The following MSI2 variants were observed in gnomAD, a reference collection of about 807,000 sequenced individuals.
MSI2 encodes the protein musashi RNA binding protein 2, also known as RNA-binding protein Musashi homolog 2.
MSI2 carries 17 observed loss-of-function variants against 45.6 expected under a neutral mutation model. That is an observed-to-expected ratio of 0.37 (90% confidence interval 0.26 to 0.56). MSI2 has a LOEUF of 0.56. MSI2 is among the 20% of genes least tolerant of loss of function. The pLI, the probability that MSI2 is intolerant of heterozygous loss-of-function variation, is 0.77. For synonymous variants in MSI2, 156 were observed against 158.2 expected, an observed-to-expected ratio of 0.99 and a Z score of 0.11; for missense variants, 293 against 444.2, an observed-to-expected ratio of 0.66 and a Z score of 3.06.
chr17:57,479,059 GA>G (rs2085597436), intron 6 of MSI2, among the ~76,000 whole-genome samples: 1 of 152,038 alleles, frequency 6.6e-6, no homozygotes. Context: ...GCCCCAGGGG[GA>G]TAACAGATAA....
At chr17:57,486,663 A>G (rs1191531553) in intron 6 of MSI2, among the ~76,000 whole-genome samples, 1 of 152,230 alleles carries the variant, frequency 6.6e-6, no homozygotes, top group African/African-American at 2.4e-5. Flanking sequence ...CCTTTTAGAC[A>G]ATAAATTCTG....
At chr17:57,265,276 C>T (rs1395385508) in intron 5 of MSI2, 2 of 152,252 alleles carry the variant, frequency 1.3e-5, no homozygotes, top group East Asian at 1.9e-4. Flanking sequence ...CAGAGGGAAC[C>T]CTGCCCCTCC....
At chr17:57,602,601 T>C (rs556042201) in intron 8 of MSI2, among the ~76,000 whole-genome samples, 2 of 152,214 alleles carry the variant, frequency 1.3e-5, no homozygotes, top group Non-Finnish European at 2.9e-5. Context: ...GTGATCCCCT[T>C]GCCTCTGCCT....
intron 5 of MSI2, among the ~76,000 whole-genome samples, chr17:57,336,387 T>G (rs1914692973): frequency 6.6e-6 from 1 of 152,266 alleles, no homozygotes; most frequent in Non-Finnish European, 1.5e-5. Context: ...AGTTTTCTTC[T>G]TCTCTTACTC....
intron 10 of MSI2, among the ~76,000 whole-genome samples, chr17:57,646,785 C>T (rs1007747334): frequency 6.6e-6 from 1 of 152,176 alleles, no homozygotes; most frequent in Non-Finnish European, 1.5e-5. Flanking sequence ...CTGTTCATGC[C>T]TGGAATTCCA....
intron 5 of MSI2, among the ~76,000 whole-genome samples, chr17:57,385,976 A>G (rs2083679299): frequency 2.6e-5 from 4 of 151,200 alleles, no homozygotes; most frequent in Admixed American, 2.6e-4. Context: ...TTAATGGTTG[A>G]TGTCGATTGG....
At chr17:57,537,657 C>G (rs983760073) in intron 7 of MSI2, among the ~76,000 whole-genome samples, 1 of 152,134 alleles carries the variant, frequency 6.6e-6, no homozygotes, top group East Asian at 1.9e-4. Context: ...TTTTTTCCCC[C>G]GAGTTAACTC....
intron 7 of MSI2, among the ~76,000 whole-genome samples, chr17:57,566,966 G>A (rs1461093995): frequency 6.6e-6 from 1 of 152,216 alleles, no homozygotes; most frequent in Admixed American, 6.5e-5. Flanking sequence ...TGTAGGAGAA[G>A]GACCTGATGA....
Position 57,538,767 on chromosome 17 carries a change from G to A in MSI2, c.454+9043G>A, listed in dbSNP as rs1364155482. Reference sequence around the variant, plus strand: ...ACACACATATGCTTGCATGTGCATGGAATATCTTTGAAAGGATGCCTGCAA... The same window carrying A: ...ACACACATATGCTTGCATGTGCATGAAATATCTTTGAAAGGATGCCTGCAA... On this transcript the variant is annotated intron_variant, in intron 7 of 13. Transcript: ENST00000284073. 3.9e-5 allele frequency among the ~76,000 whole-genome samples: 6 copies of A among 152,140 alleles called. 1 individual carries two copies. The South Asian group carries it at 1.0e-3, about 26-fold the overall frequency.
chr17:57,367,119 G>A (rs1917252268), intron 5 of MSI2, among the ~76,000 whole-genome samples: 1 of 152,212 alleles, frequency 6.6e-6, no homozygotes, highest in Non-Finnish European at 1.5e-5. Flanking sequence ...CACACACCCA[G>A]GTAGGGGCCC....
At chr17:57,687,120 A>T (rs1474701707), downstream of MSI2, among the ~76,000 whole-genome samples, 1 of 75,906 alleles carries the variant, frequency 1.3e-5, no homozygotes. Flanking sequence ...AAAAAAGATT[A>T]CATACAAACT....
chr17:57,296,839 A>G (rs941870203), intron 5 of MSI2, among the ~76,000 whole-genome samples: 2 of 152,168 alleles, frequency 1.3e-5, no homozygotes, highest in African/African-American at 2.4e-5. Flanking sequence ...CTATTTTTGC[A>G]TTTCTTCTGT....
At chr17:57,427,966 G>C (rs8070416) in intron 6 of MSI2, among the ~76,000 whole-genome samples, 61,387 of 151,830 alleles carry the variant, frequency 0.4, 13,696 homozygotes, top group East Asian at 0.59. Flanking sequence ...ATATTATATA[G>C]ATTAGCTATA....
At chr17:57,465,670 G>T (rs2085317363) in intron 6 of MSI2, among the ~76,000 whole-genome samples, 1 of 152,070 alleles carries the variant, frequency 6.6e-6, no homozygotes. Context: ...CTTTTCAGAG[G>T]CCACTAGTCT....
intron 7 of MSI2, among the ~76,000 whole-genome samples, chr17:57,565,566 A>G (rs1209680716): frequency 2.0e-5 from 3 of 152,138 alleles, no homozygotes; most frequent in African/African-American, 7.2e-5. Flanking sequence ...GCTCCATCAC[A>G]GCCTTACCAG....
rs140261967 is a variant in MSI2 at position 57,535,392 on chromosome 17, C to T, written c.454+5668C>T. On this transcript the variant is annotated intron_variant, in intron 7 of 13. Coordinates refer to ENST00000284073, the MANE Select transcript of MSI2 (RefSeq NM_138962.4). ...GGTGAGGAGTCTCTGAAGCTAATCC[C>T]ATAGCCTGGTGAGGGAGTGGTTTCT... 1.6e-3 allele frequency among the ~76,000 whole-genome samples: 244 copies of T among 152,308 alleles called. 1 individual carries two copies. Among genetic ancestry groups the T allele is most frequent in the South Asian group, 5.6e-3 (27 of 4,832 alleles).
intron 6 of MSI2, among the ~76,000 whole-genome samples, chr17:57,476,807 T>C (rs1045629247): frequency 2.0e-5 from 3 of 152,192 alleles, no homozygotes; most frequent in Non-Finnish European, 4.4e-5. Flanking sequence ...AGAGGCTCCG[T>C]CATTTGTTGA....
chr17:57,332,917 C>T (rs148714026), intron 5 of MSI2, among the ~76,000 whole-genome samples: 206 of 152,100 alleles, frequency 1.4e-3, no homozygotes, highest in Admixed American at 2.6e-3. Flanking sequence ...CCCAGCTACT[C>T]GGGAGGCTGA....
rs1020060508 is a variant in MSI2 at position 57,682,054 on chromosome 17, T to C, written c.*2537T>C. 5 of 205,804 alleles carry C rather than the reference T, an allele frequency of 2.4e-5. No individual in the cohort carries two copies. The Admixed American group carries it at 3.0e-4, about 12-fold the overall frequency. The allele number at this position is 205,804 out of a possible 1,614,324, so 12.7% of individuals were successfully genotyped here. A position where few individuals can be genotyped will look rare whatever the true frequency, so the allele number is the denominator to read the frequency against. On this transcript the variant is annotated 3_prime_UTR_variant, in exon 14 of 14. Coordinates refer to ENST00000284073, the MANE Select transcript of MSI2 (RefSeq NM_138962.4). ...ACTAGTGTAGCGACTTTTTTTCTCC[T>C]CTTTCTTCTAGTACATATTGATAGG...
Sources: allele counts gnomAD v4.1 joint callset (sites outside exome capture counted in the v4.1 genomes callset), GRCh38; gene constraint gnomAD v4.1.1; transcripts MANE v1.5; gene names NCBI Gene and HGNC (gene_info 2026-07-23, HGNC 2026-07-21).